ZMAT4: variants seen among roughly 807,000 people sequenced by gnomAD.
The protein encoded by ZMAT4 is zinc finger matrin-type protein 4.
In ZMAT4, 17 loss-of-function variants were observed where a neutral mutation model predicts 28.7. That is an observed-to-expected ratio of 0.59 (90% CI 0.41 to 0.89). ZMAT4 has a LOEUF of 0.89. ZMAT4 is among the 40% of genes least tolerant of loss of function. The pLI is 0.00. For missense variants in ZMAT4, 240 were observed against 283.8 expected (o/e 0.85, Z 1.11); for synonymous variants, 117 against 109.2 (o/e 1.07, Z -0.44).
At chr8:40,744,226 A>G (rs575435330) in intron 3 of ZMAT4, among the ~76,000 whole-genome samples, 2 of 152,260 alleles carry the variant, frequency 1.3e-5, no homozygotes, top group African/African-American at 4.8e-5. Flanking sequence ...TTCACAGATC[A>G]TGACTACTGT....
At chr8:40,835,152 CT>C in intron 1 of ZMAT4, among the ~76,000 whole-genome samples, 1 of 152,216 alleles carries the variant, frequency 6.6e-6, no homozygotes, top group African/African-American at 2.4e-5. Context: ...AGGTGGAGAG[CT>C]TGGATTTTCA....
At chr8:40,888,989 G>T (rs1025551090) in intron 1 of ZMAT4, among the ~76,000 whole-genome samples, 1 of 152,206 alleles carries the variant, frequency 6.6e-6, no homozygotes, top group Non-Finnish European at 1.5e-5. Flanking sequence ...TCTGAAAAGA[G>T]CATGGTGTGG....
At chr8:40,656,589 C>G (rs78263918) in intron 5 of ZMAT4, among the ~76,000 whole-genome samples, 7,045 of 151,960 alleles carry the variant, frequency 0.046, 393 homozygotes, top group Admixed American at 0.16. Flanking sequence ...AATAAAATAT[C>G]ATTAAATAAT....
intron 1 of ZMAT4, among the ~76,000 whole-genome samples, chr8:40,881,356 C>T (rs576004968): frequency 6.7e-6 from 1 of 149,896 alleles, no homozygotes; most frequent in East Asian, 2.0e-4. Context: ...CCACTGCACT[C>T]CAGCCTGGGC....
chr8:40,589,764 T>TTTCTTTCTTTCTTTCTTTC (rs1804806174), intron 5 of ZMAT4, among the ~76,000 whole-genome samples: 2 of 136,058 alleles, frequency 1.5e-5, no homozygotes, highest in South Asian at 4.8e-4. Flanking sequence ...TTCTTTCTTT[T>TTTCTTTCTTTCTTTCTTTC]TCTTTCTTTC....
chr8:40,569,817 T>C (rs1417273260), intron 6 of ZMAT4, among the ~76,000 whole-genome samples: 1 of 152,152 alleles, frequency 6.6e-6, no homozygotes, highest in African/African-American at 2.4e-5. Context: ...GTGGGTCAGC[T>C]TCTAGGCCAC....
At chr8:40,622,074 A>T (rs1350304391) in intron 5 of ZMAT4, among the ~76,000 whole-genome samples, 1 of 152,244 alleles carries the variant, frequency 6.6e-6, no homozygotes, top group Admixed American at 6.5e-5. Context: ...AGTATTTTAC[A>T]TGTTTACATC....
At chr8:40,634,797 T>A (rs1806730350) in intron 5 of ZMAT4, among the ~76,000 whole-genome samples, 1 of 152,202 alleles carries the variant, frequency 6.6e-6, no homozygotes, top group Non-Finnish European at 1.5e-5. Flanking sequence ...CGCTTGTGTA[T>A]AAAAGCGTCT....
At chr8:40,761,956 C>T (rs60356325) in intron 3 of ZMAT4, among the ~76,000 whole-genome samples, 24,411 of 152,152 alleles carry the variant, frequency 0.16, 3,121 homozygotes, top group East Asian at 0.6. Context: ...GAAACTCATG[C>T]GTAGCAGAAC....
At chr8:40,784,804 G>A (rs1813996314) in intron 2 of ZMAT4, among the ~76,000 whole-genome samples, 1 of 152,104 alleles carries the variant, frequency 6.6e-6, no homozygotes. Flanking sequence ...GAGCTGCCTT[G>A]CCTAAGGTCA....
chr8:40,607,659 A>C (rs1286503114), intron 5 of ZMAT4, among the ~76,000 whole-genome samples: 1 of 152,098 alleles, frequency 6.6e-6, no homozygotes, highest in African/African-American at 2.4e-5. Flanking sequence ...TGGGTAGACT[A>C]TGTCCAAGGG....
At chr8:40,830,032 T>C (rs2150616674) in intron 1 of ZMAT4, among the ~76,000 whole-genome samples, 2 of 152,274 alleles carry the variant, frequency 1.3e-5, no homozygotes, top group South Asian at 4.2e-4. Context: ...AAATGTTTCT[T>C]AAGGCGCAAG....
chr8:40,714,868 G>A (rs944126305), intron 3 of ZMAT4, among the ~76,000 whole-genome samples: 3 of 151,990 alleles, frequency 2.0e-5, no homozygotes, highest in African/African-American at 7.2e-5. Context: ...GGCCAACATG[G>A]TGAAATCCCA....
intron 1 of ZMAT4, among the ~76,000 whole-genome samples, chr8:40,832,339 G>T (rs2150618667): frequency 6.6e-6 from 1 of 152,244 alleles, no homozygotes; most frequent in East Asian, 1.9e-4. Flanking sequence ...GCTAACATCT[G>T]CCTGGACATT....
chr8:40,627,805 T>A (rs193005960), intron 5 of ZMAT4, among the ~76,000 whole-genome samples: 36 of 152,174 alleles, frequency 2.4e-4, no homozygotes, highest in African/African-American at 8.2e-4. Flanking sequence ...GCTTTCCAAC[T>A]GATATAGCCC....
At chr8:40,568,688 A>G (rs1178334343) in intron 6 of ZMAT4, among the ~76,000 whole-genome samples, 2 of 152,144 alleles carry the variant, frequency 1.3e-5, no homozygotes, top group African/African-American at 4.8e-5. Flanking sequence ...TTTTATAACT[A>G]TTACATTTCA....
chr8:40,560,820 G>A (rs1422085245), intron 6 of ZMAT4, among the ~76,000 whole-genome samples: 1 of 152,060 alleles, frequency 6.6e-6, no homozygotes, highest in African/African-American at 2.4e-5. Context: ...GAAAGACATC[G>A]CCAGCCAATG....
chr8:40,576,531 G>GAAAAAAA (rs202047657), intron 6 of ZMAT4, among the ~76,000 whole-genome samples: 2 of 130,036 alleles, frequency 1.5e-5, no homozygotes, highest in African/African-American at 5.4e-5. Flanking sequence ...GGGCTGAAAG[G>GAAAAAAA]AAAAAAAAAA....
intron 4 of ZMAT4, among the ~76,000 whole-genome samples, chr8:40,687,191 G>A (rs1376885560): frequency 6.6e-6 from 1 of 152,182 alleles, no homozygotes; most frequent in Non-Finnish European, 1.5e-5. Flanking sequence ...GAATTACTTA[G>A]CCAGAAGACG....
Sources: allele counts gnomAD v4.1 joint callset (sites outside exome capture counted in the v4.1 genomes callset), GRCh38; gene constraint gnomAD v4.1.1; transcripts MANE v1.5; gene names NCBI Gene and HGNC (gene_info 2026-07-23, HGNC 2026-07-21).